The following MUC5B variants were observed in gnomAD, a reference collection of about 807,000 sequenced individuals.
The protein encoded by MUC5B is mucin-5B.
Under a neutral mutation model 376.9 loss-of-function variants are expected in MUC5B, and 116 were observed. The ratio of observed to expected loss-of-function variants is 0.31; its 90% CI spans 0.26 to 0.36. The LOEUF (loss-of-function observed/expected upper bound fraction) is 0.36. Ranked by LOEUF, MUC5B falls within the 10% of genes least tolerant of loss-of-function variation. The pLI is 1.00. For synonymous variants in MUC5B, 3,517 were observed against 3,390.9 expected (o/e 1.04, Z -1.29); for missense variants, 7,165 against 7,769.9 (o/e 0.92, Z 2.93).
At position 1,260,058 on chromosome 11, in the gene MUC5B, A is replaced by G. The variant is rs768850758; in HGVS notation, c.16896A>G (p.Ala5632=). ...TCCATTTGCTGACCCCACAGCCTGC[A>G]TCCTGCCCAGATGTGTCCAGCTGCA... The part of the protein sequence containing the change: ...GGVHLLTPQP[A]SCPDVSSCRG... The change falls in exon 46 of 49, where the codon GCA becomes GCG. Residue 5632 remains alanine, a synonymous_variant. Coordinates refer to ENST00000529681, the MANE Select transcript of MUC5B (RefSeq NM_002458.3). 1.2e-6 allele frequency: 2 copies of G among 1,612,630 alleles called. No individual in the cohort carries two copies. The highest frequency in any genetic ancestry group is 1.7e-6 in the Non-Finnish European group (2 of 1,179,744).
chr11:1,231,862 AGGGTTCT>A, intron 14 of MUC5B, 127 bp from the exon 15 acceptor site: 1 of 1,267,412 alleles, frequency 7.9e-7, no homozygotes, highest in Non-Finnish European at 1.1e-6. Flanking sequence ...TTATCTGCAG[AGGGTTCT>A]GGGAGCAGAA....
Position 1,245,394 on chromosome 11 carries a change from G to A in MUC5B, c.8514G>A (p.Arg2838=). 1 of 1,562,596 alleles carries A rather than the reference G, an allele frequency of 6.4e-7. No individual in the cohort carries two copies. The highest frequency in any genetic ancestry group is 8.7e-7 in the Non-Finnish European group (1 of 1,153,230). ...CGGGCCACACCAGGGCCACCTCCAG[G>A]ACCACGGCCACGGCCACACCCAGCA... is the stretch of plus-strand genomic sequence containing the variant. The part of the protein sequence containing the change: ...TTPGHTRATS[R]TTATATPSKT... The change falls in exon 31 of 49, where the codon AGG becomes AGA. Residue 2838 remains arginine, a synonymous_variant. Coordinates refer to ENST00000529681, the MANE Select transcript of MUC5B (RefSeq NM_002458.3).
chr11:1,257,343 C>G lies in MUC5B; in HGVS notation c.16269+72C>G. ...TGAGGGAGGGAGGGAAGGAGCATCC[C>G]CATCCCACAGGGCAGCTGTGGGGCG... is the stretch of plus-strand genomic sequence containing the variant. On this transcript the variant is annotated intron_variant, in intron 40 of 48. Transcript: ENST00000529681. The surrounding 1 kb of genome is among the most constrained non-coding windows in gnomAD (Gnocchi z 8.9). The G allele has an allele frequency of 1.2e-6, 1 of 814,338 alleles. No individual in the cohort carries two copies. Among genetic ancestry groups the G allele is most frequent in the South Asian group, 1.3e-5 (1 of 74,418 alleles). The allele number at this position is 814,338 out of a possible 1,614,324, so 50.4% of individuals were successfully genotyped here.
At position 1,257,661 on chromosome 11, in the gene MUC5B, C is replaced by T. The variant is rs2292636; in HGVS notation, c.16401C>T (p.Thr5467=). 2.0e-4 allele frequency: 324 copies of T among 1,587,392 alleles called. 2 individuals are homozygous for T. In the East Asian group the frequency reaches 4.4e-3, roughly 22 times the overall value. The change falls in exon 41 of 49, where the codon ACC becomes ACT. Residue 5467 remains threonine (T), a synonymous_variant. Transcript: ENST00000529681. The surrounding 1 kb of genome is among the most constrained non-coding windows in gnomAD (Gnocchi z 8.9). The part of the protein sequence containing the change: ...PPPCNRPGFV[T]VTRPRAENPC... ...CGTGCAACCGTCCCGGCTTCGTAAC[C>T]GTGACCAGGCCCCGGGCCGAGAACC...
rs775568486 is a variant in MUC5B at position 1,247,927 on chromosome 11, C to T, written c.11047C>T (p.Pro3683Ser). 5 of 1,611,378 alleles carry T rather than the reference C, an allele frequency of 3.1e-6. 1 individual carries two copies. The East Asian group carries it at 8.9e-5, about 29-fold the overall frequency. ...CCCGGCCACCAGCTCTACGGCCACGCCCTCCTCAACTCCGGGGACGACCTG... is the reference window on the plus strand; with the variant it reads ...CCCGGCCACCAGCTCTACGGCCACGTCCTCCTCAACTCCGGGGACGACCTG... ...STPATSSTAT[P>S]SSTPGTTWIL... Residue 3683 changes from proline to serine, a missense_variant, in exon 31 of 49, where the codon CCC becomes TCC. Pro to Ser is a moderately conservative substitution (Grantham distance 74). This residue lies in a region of MUC5B where 90 missense variants were observed against 71.1 expected (regional missense o/e 1.27). Coordinates refer to ENST00000529681, the MANE Select transcript of MUC5B (RefSeq NM_002458.3).
chr11:1,245,884 A>G lies in MUC5B; in HGVS notation c.9004A>G (p.Thr3002Ala), dbSNP rs1862443398. 1 of 1,613,246 alleles carries G rather than the reference A, an allele frequency of 6.2e-7. No individual in the cohort carries two copies. Among genetic ancestry groups the G allele is most frequent in the Non-Finnish European group, 8.5e-7 (1 of 1,179,754 alleles). ...CACAGAGCAGACCACAGCAGCCACTACGACCGCAACCACTGGATCCACGGC... is the reference window on the plus strand; with the variant it reads ...CACAGAGCAGACCACAGCAGCCACTGCGACCGCAACCACTGGATCCACGGC... ...ILTEQTTAAT[T>A]TATTGSTAIP... is the part of the protein sequence containing the mutation. Residue 3002 changes from threonine (T) to alanine (A), a missense_variant, in exon 31 of 49, where the codon ACG becomes GCG. Physicochemically the swap from Thr to Ala is moderately conservative, Grantham distance 58. Coordinates refer to ENST00000529681, the MANE Select transcript of MUC5B (RefSeq NM_002458.3).
In MUC5B at chr11:1,233,211, A is replaced by T. The variant is rs1360501710; in HGVS notation, c.2264A>T (p.Tyr755Phe). ...ACVPAQECPCYAHGTVLAPGE... is the reference protein window; with the variant it reads ...ACVPAQECPCFAHGTVLAPGE... ...GTGCCCGCCCAGGAGTGCCCCTGCT[A>T]CGCTCACGGCACCGTGCTGGCTCCT... The change falls in exon 18 of 49, where the codon TAC (tyrosine) becomes TTC (phenylalanine). Residue 755 changes from tyrosine to phenylalanine, a missense_variant. Tyr to Phe is a conservative substitution (Grantham distance 22). This residue lies in a region of MUC5B where 530 missense variants were observed against 604.0 expected (regional missense o/e 0.88). Coordinates refer to ENST00000529681, the MANE Select transcript of MUC5B (RefSeq NM_002458.3). The T allele has an allele frequency of 1.2e-6, 2 of 1,600,154 alleles. No homozygotes were observed. Among genetic ancestry groups the T allele is most frequent in the Non-Finnish European group, 1.7e-6 (2 of 1,176,828 alleles).
At chr11:1,252,009 G>A (rs545583634) in intron 31 of MUC5B, among the ~76,000 whole-genome samples, 5 of 149,420 alleles carry the variant, frequency 3.3e-5, no homozygotes, top group East Asian at 2.0e-4. Flanking sequence ...GGCCACATTC[G>A]GTCTCCCCTG....
rs189866318 is a variant in MUC5B, at chr11:1,238,954, G to A, written c.3381G>A (p.Thr1127=). The A allele has an allele frequency of 2.1e-3, 3,326 of 1,575,988 alleles. 10 individuals are homozygous for A. The highest frequency in any genetic ancestry group is 2.8e-3 in the Non-Finnish European group (3,205 of 1,161,492). Residue 1127 remains threonine (T), a synonymous_variant, in exon 26 of 49, where the codon ACG becomes ACA. Transcript: ENST00000529681. ...DSGGDCECFC[T]AVAAYAQACH... ...GTGGCGACTGCGAGTGTTTCTGCACGGCTGTGGCTGCCTACGCCCAGGCCT... is the reference window on the plus strand; with the variant it reads ...GTGGCGACTGCGAGTGTTTCTGCACAGCTGTGGCTGCCTACGCCCAGGCCT...
chr11:1,240,786 C>T (rs907512200), intron 30 of MUC5B, 65 bp from the exon 31 acceptor site: 2 of 1,462,252 alleles, frequency 1.4e-6, no homozygotes, highest in Non-Finnish European at 1.8e-6. Context: ...TCTGGGGCCC[C>T]TCCACCTTGT....
At chr11:1,233,370 G>A in intron 18 of MUC5B, 102 bp downstream of exon 18, 2 of 1,293,296 alleles carry the variant, frequency 1.5e-6, no homozygotes, top group Non-Finnish European at 1.0e-6. Flanking sequence ...TCTGAGACAT[G>A]AGGGGCCAGG....
In MUC5B at chr11:1,227,074, A is replaced by G; in HGVS notation, c.505A>G (p.Ser169Gly). 6.2e-7 allele frequency: 1 copy of G among 1,612,436 alleles called. No individual in the cohort carries two copies. Among genetic ancestry groups the G allele is most frequent in the Non-Finnish European group, 8.5e-7 (1 of 1,179,728 alleles). ...YSRTGLLVEQ[S>G]GDYIKVSIRL... The stretch of plus-strand genomic sequence containing the variant: ...CCGCACTGGCCTCCTGGTGGAGCAG[A>G]GCGGGGACTACATCAAGGTCAGCAT... Residue 169 changes from serine to glycine, a missense_variant, in exon 5 of 49, where the codon AGC becomes GGC. Ser to Gly is a moderately conservative substitution (Grantham distance 56). Transcript: ENST00000529681.
intron 23 of MUC5B, among the ~76,000 whole-genome samples, chr11:1,236,058 C>T (rs1021612623): frequency 6.6e-6 from 1 of 152,148 alleles, no homozygotes; most frequent in Non-Finnish European, 1.5e-5. Context: ...GGCTGAGGAC[C>T]GCAGCGGGTC....
intron 24 of MUC5B, 148 bp downstream of exon 24, chr11:1,236,710 C>A (rs1297379025): frequency 3.6e-6 from 4 of 1,098,940 alleles, no homozygotes; most frequent in African/African-American, 3.2e-5. Flanking sequence ...CCACAGTGGG[C>A]AGAGGATTTT....
chr11:1,252,576 T>G, intron 32 of MUC5B, 52 bp downstream of exon 32: 1 of 1,462,692 alleles, frequency 6.8e-7, no homozygotes, highest in South Asian at 1.4e-5. Context: ...CGGTCTGGGT[T>G]GGCTGGAGGC....
In MUC5B at chr11:1,251,712, C is replaced by A. The variant is rs1265252918; in HGVS notation, c.14832C>A (p.Phe4944Leu). ...FPSSHFSTPCFCRAFGQFFSP... is the reference protein window; with the variant it reads ...FPSSHFSTPCLCRAFGQFFSP... ...GCTCCCACTTCTCTACTCCCTGCTT[C>A]TGCAGGGCATTTGGACAGTTTTTCT... Residue 4944 changes from phenylalanine to leucine, a missense_variant, in exon 31 of 49, where the codon TTC becomes TTA. By Grantham distance (22) the Phe-to-Leu change is conservative. Transcript: ENST00000529681. 1.9e-6 allele frequency: 3 copies of A among 1,608,406 alleles called. No individual in the cohort carries two copies. Among genetic ancestry groups the A allele is most frequent in the Non-Finnish European group, 2.5e-6 (3 of 1,176,628 alleles).
chr11:1,246,184 A>G lies in MUC5B; in HGVS notation c.9304A>G (p.Thr3102Ala), dbSNP rs759889677. ...AATCCACCCCTCCTCCACTCCGGAG[A>G]CCACCCACACCTCCACAGTGCTGAC... ...STIHPSSTPE[T>A]THTSTVLTTK... The change falls in exon 31 of 49, where the codon ACC (threonine) becomes GCC (alanine). Residue 3102 changes from threonine to alanine, a missense_variant. Around this residue, in one of 31 missense-constraint regions of MUC5B, gnomAD observed 939 missense variants for 770.6 expected, o/e 1.22. Transcript: ENST00000529681. 5 of 1,612,508 alleles carry G rather than the reference A, an allele frequency of 3.1e-6. No individual in the cohort carries two copies. In the Admixed American group the frequency reaches 8.3e-5, roughly 27 times the overall value.
In MUC5B at chr11:1,247,927, C is replaced by A. The variant is rs775568486; in HGVS notation, c.11047C>A (p.Pro3683Thr). 168 of 1,611,258 alleles carry A rather than the reference C, an allele frequency of 1.0e-4. 6 individuals carry two copies. The highest frequency in any genetic ancestry group is 1.3e-4 in the Non-Finnish European group (159 of 1,178,402). The change falls in exon 31 of 49, where the codon CCC becomes ACC. Residue 3683 changes from proline (P) to threonine (T), a missense_variant. Around this residue, in one of 31 missense-constraint regions of MUC5B, gnomAD observed 90 missense variants for 71.1 expected, o/e 1.27. Transcript: ENST00000529681. The part of the protein sequence containing the change: ...STPATSSTAT[P>T]SSTPGTTWIL... ...CCCGGCCACCAGCTCTACGGCCACG[C>A]CCTCCTCAACTCCGGGGACGACCTG...
Position 1,248,685 on chromosome 11 carries a change from C to A in MUC5B, c.11805C>A (p.Ser3935=). The change falls in exon 31 of 49, where the codon TCC becomes TCA. Residue 3935 remains serine, a synonymous_variant. Coordinates refer to ENST00000529681, the MANE Select transcript of MUC5B (RefSeq NM_002458.3). ...CCACTGGTTCTATGGCAACACCCTC[C>A]TCTAGCACACAGACCAGTGGTACTC... The part of the protein sequence containing the change: ...TVATGSMATP[S]SSTQTSGTPP... The A allele has an allele frequency of 6.3e-7, 1 of 1,585,842 alleles. No homozygotes were observed. Among genetic ancestry groups the A allele is most frequent in the Non-Finnish European group, 8.6e-7 (1 of 1,166,620 alleles).
Sources: gnomAD v4.1 joint callset for allele counts (sites outside exome capture counted in the v4.1 genomes callset) on GRCh38, gnomAD v4.1.1 for gene constraint, gnomAD v4.1.1 regional missense constraint, Gnocchi (gnomAD v3.1) non-coding constraint, MANE v1.5 for transcripts, NCBI Gene and HGNC (gene_info 2026-07-23, HGNC 2026-07-21) for gene names.